Variants in ANAPC4 observed in about 807,000 individuals in gnomAD.
ANAPC4 encodes the protein anaphase promoting complex subunit 4.
A neutral mutation model predicts 119.8 loss-of-function variants in ANAPC4; 63 were observed. The observed-to-expected ratio is 0.53, with a 90% CI of 0.43 to 0.65. The LOEUF is 0.65. Ranked by LOEUF, ANAPC4 falls within the 30% of genes least tolerant of loss-of-function variation. ANAPC4 has a pLI of 0.00. For synonymous variants in ANAPC4, 283 were observed against 318.6 expected (o/e 0.89, Z 1.19); for missense variants, 716 against 945.1 (o/e 0.76, Z 3.18).
In ANAPC4 at chr4:25,393,790, CT is replaced by C; in HGVS notation, c.790-9del. The C allele has an allele frequency of 6.5e-7, 1 of 1,533,686 alleles. No homozygotes were observed. The highest frequency in any genetic ancestry group is 8.8e-7 in the Non-Finnish European group (1 of 1,130,162). ...AATATTTTTTACCATTTCAATTTTT[CT>C]TTTTTGCTAATAGTATATAAATTTG... On this transcript the variant is annotated splice_polypyrimidine_tract_variant and intron_variant, in intron 10 of 28. Transcript: ENST00000315368.
rs1247847863 is a variant in ANAPC4, at chr4:25,393,875, T to C, written c.860T>C (p.Leu287Pro). The change falls in exon 11 of 29, where the codon CTC becomes CCC. Residue 287 changes from leucine (L) to proline (P), a missense_variant. This residue lies in a region of ANAPC4 where 504 missense variants were observed against 615.8 expected (regional missense o/e 0.82). Coordinates refer to ENST00000315368, the MANE Select transcript of ANAPC4 (RefSeq NM_013367.3). The stretch of plus-strand genomic sequence containing the variant: ...ATACTAATGCAGATGGATTCTCGTC[T>C]CACCAAGTTTGTGCAGGTAAAGCAG... ...EEILMQMDSR[L>P]TKFVQEKNTT... The C allele has an allele frequency of 1.2e-6, 2 of 1,609,968 alleles. No individual in the cohort carries two copies. Among genetic ancestry groups the C allele is most frequent in the East Asian group, 2.2e-5 (1 of 44,732 alleles).
chr4:25,414,485 T>A lies in ANAPC4; in HGVS notation c.1705T>A (p.Leu569Met). The part of the protein sequence containing the change: ...DTRSEDSTRR[L>M]FKFPFLWNNK... The stretch of plus-strand genomic sequence containing the variant: ...TTTTAGTGAGGATTCTACACGTAGA[T>A]TGTTCAAATTTCCTTTTCTGTAAGT... The change falls in exon 24 of 29, where the codon TTG (leucine) becomes ATG (methionine). Residue 569 changes from leucine to methionine, a missense_variant. Leu to Met is a conservative substitution (Grantham distance 15). Transcript: ENST00000315368. 2 of 1,600,594 alleles carry A rather than the reference T, an allele frequency of 1.2e-6. No homozygotes were observed. Among genetic ancestry groups the A allele is most frequent in the Non-Finnish European group, 1.7e-6 (2 of 1,170,108 alleles).
At position 25,377,309 on chromosome 4, in the gene ANAPC4, G is replaced by A; in HGVS notation, c.-46G>A. The stretch of plus-strand genomic sequence containing the variant: ...CGGCAGAGGGAGGGGAGAGGCCACT[G>A]GGGCCGTGTTAGTCTGCCGGTGGGG... On this transcript the variant is annotated 5_prime_UTR_variant, in exon 1 of 29. Transcript: ENST00000315368. The A allele has an allele frequency of 7.2e-7, 1 of 1,391,020 alleles. No homozygotes were observed. The highest frequency in any genetic ancestry group is 1.4e-5 in the South Asian group (1 of 72,168). The allele number at this position is 1,391,020 out of a possible 1,614,324, so 86.2% of individuals were successfully genotyped here.
chr4:25,414,849 G>T, intron 25 of ANAPC4, 149 bp downstream of exon 25: 2 of 722,812 alleles, frequency 2.8e-6, no homozygotes, highest in South Asian at 3.7e-5. Flanking sequence ...TCATTAAAAG[G>T]GTAACACTGA....
rs1370541271 is a variant in ANAPC4, at chr4:25,394,652, A to G, written c.942-19A>G. 6.3e-7 allele frequency: 1 copy of G among 1,580,614 alleles called. No individual in the cohort carries two copies. Among genetic ancestry groups the G allele is most frequent in the Non-Finnish European group, 8.5e-7 (1 of 1,169,950 alleles). Reference sequence around the variant, plus strand: ...TTCCAATAGAGAAGTGACTAAAAATACTTTGTTTTTCATTGTAGTGCTGAA... The same window carrying G: ...TTCCAATAGAGAAGTGACTAAAAATGCTTTGTTTTTCATTGTAGTGCTGAA... On this transcript the variant is annotated intron_variant, in intron 12 of 28. Coordinates refer to ENST00000315368, the MANE Select transcript of ANAPC4 (RefSeq NM_013367.3).
At chr4:25,387,413 G>A (rs767963286) in intron 4 of ANAPC4, among the ~76,000 whole-genome samples, 35 of 152,200 alleles carry the variant, frequency 2.3e-4, no homozygotes, top group Non-Finnish European at 4.7e-4. Context: ...GATGACAAGG[G>A]TTTGACCTGG....
intron 21 of ANAPC4, 96 bp from the exon 22 acceptor site, chr4:25,413,549 A>G (rs1198517723): frequency 2.4e-6 from 2 of 848,462 alleles, no homozygotes; most frequent in Non-Finnish European, 3.6e-6. Context: ...CTCGAGATAA[A>G]CTGTGCAGAC....
At position 25,417,884 on chromosome 4, in the gene ANAPC4, TGTG is replaced by T. The variant is rs1170693806; in HGVS notation, c.2199+150_2199+152del. 4.0e-5 allele frequency: 46 copies of T among 1,155,358 alleles called. No homozygotes were observed. In the Admixed American group the frequency reaches 1.2e-3, roughly 31 times the overall value. 71.6% of individuals were successfully genotyped at this position (1,155,358 alleles called of 1,614,324 possible). A position where few individuals can be genotyped will look rare whatever the true frequency, so the allele number is the denominator to read the frequency against. ...TTATAGCTTGTATTGATTATGATCA[TGTG>T]GTGGCCTTAGCTATTTAGTTCTTGT... On this transcript the variant is annotated intron_variant, in intron 28 of 28. Transcript: ENST00000315368.
chr4:25,410,804 T>C (rs1723514447), intron 21 of ANAPC4, among the ~76,000 whole-genome samples: 1 of 152,204 alleles, frequency 6.6e-6, no homozygotes, highest in South Asian at 2.1e-4. Flanking sequence ...TTATTAAATA[T>C]ATTGTATAAG....
At position 25,415,695 on chromosome 4, in the gene ANAPC4, G is replaced by C; in HGVS notation, c.1901+155G>C. The C allele has an allele frequency of 5.0e-6, 3 of 601,184 alleles. No homozygotes were observed. The South Asian group carries it at 7.1e-5, about 14-fold the overall frequency. 37.2% of individuals were successfully genotyped at this position (601,184 alleles called of 1,614,324 possible). A position where few individuals can be genotyped will look rare whatever the true frequency, so the allele number is the denominator to read the frequency against. ...AGGATTCTTTGTGTATTTATACATA[G>C]AGAATGATTTGACTTGTGATTGAAT... On this transcript the variant is annotated intron_variant, in intron 26 of 28. Coordinates refer to ENST00000315368, the MANE Select transcript of ANAPC4 (RefSeq NM_013367.3).
At chr4:25,412,765 A>T (rs542921352) in intron 21 of ANAPC4, among the ~76,000 whole-genome samples, 1 of 151,746 alleles carries the variant, frequency 6.6e-6, no homozygotes, top group Non-Finnish European at 1.5e-5. Context: ...AAAAGAAAAA[A>T]AAAAATGTTC....
At chr4:25,409,227 C>T (rs1723435525) in intron 20 of ANAPC4, among the ~76,000 whole-genome samples, 1 of 152,172 alleles carries the variant, frequency 6.6e-6, no homozygotes, top group South Asian at 2.1e-4. Flanking sequence ...AGTACATTGA[C>T]AATGGATACT....
intron 10 of ANAPC4, among the ~76,000 whole-genome samples, chr4:25,392,666 C>T (rs73806544): frequency 0.019 from 2,795 of 148,622 alleles, 92 homozygotes; most frequent in African/African-American, 0.064. Context: ...AAATAAAATA[C>T]CATTTACATT....
intron 17 of ANAPC4, among the ~76,000 whole-genome samples, chr4:25,404,254 A>G (rs967056518): frequency 6.6e-6 from 1 of 152,322 alleles, no homozygotes; most frequent in East Asian, 1.9e-4. Flanking sequence ...ATTTCTGAAA[A>G]CTGTACCAAT....
chr4:25,389,254 G>A (rs1722209825), intron 7 of ANAPC4, among the ~76,000 whole-genome samples: 1 of 151,590 alleles, frequency 6.6e-6, no homozygotes, highest in African/African-American at 2.4e-5. Context: ...CGCCTTCCTG[G>A]TTCAAGTGAT....
At chr4:25,383,998 T>C (rs1158784747) in intron 4 of ANAPC4, among the ~76,000 whole-genome samples, 1 of 152,234 alleles carries the variant, frequency 6.6e-6, no homozygotes, top group Non-Finnish European at 1.5e-5. Flanking sequence ...TGAGATGCTA[T>C]TTGATAGCAT....
chr4:25,405,755 A>C lies in ANAPC4; in HGVS notation c.1317+136A>C. The stretch of plus-strand genomic sequence containing the variant: ...GTAGACGTTAGATCCCTTAAGCACC[A>C]CCTTTTTAAAAAAGAAATTTGCATG... On this transcript the variant is annotated intron_variant, in intron 18 of 28. Coordinates refer to ENST00000315368, the MANE Select transcript of ANAPC4 (RefSeq NM_013367.3). The surrounding 1 kb of genome is among the most constrained non-coding windows in gnomAD (Gnocchi z 4.6). The C allele has an allele frequency of 1.4e-6, 1 of 701,284 alleles. No homozygotes were observed. The allele number at this position is 701,284 out of a possible 1,614,324, so 43.4% of individuals were successfully genotyped here.
chr4:25,401,617 C>T (rs1038881147), intron 16 of ANAPC4, among the ~76,000 whole-genome samples: 7 of 152,214 alleles, frequency 4.6e-5, no homozygotes, highest in African/African-American at 1.4e-4. Context: ...CTGCCCTCTC[C>T]GTGCACTGCG....
At chr4:25,383,218 A>G (rs1218028362) in intron 3 of ANAPC4, 43 bp from the exon 4 acceptor site, 1 of 1,511,346 alleles carries the variant, frequency 6.6e-7, no homozygotes, top group Non-Finnish European at 8.9e-7. Flanking sequence ...TATTTTTCTC[A>G]ATTGTTACAC....
Sources: allele counts gnomAD v4.1 joint callset (sites outside exome capture counted in the v4.1 genomes callset), GRCh38; gene constraint gnomAD v4.1.1; regional missense constraint gnomAD v4.1.1; non-coding constraint Gnocchi (gnomAD v3.1); transcripts MANE v1.5; gene names NCBI Gene and HGNC (gene_info 2026-07-23, HGNC 2026-07-21).